The following TRHDE variants were observed in gnomAD, a reference collection of about 807,000 sequenced individuals.
TRHDE encodes the protein thyrotropin-releasing hormone-degrading ectoenzyme.
A neutral mutation model predicts 125.7 loss-of-function variants in TRHDE; 72 were observed. The ratio of observed to expected loss-of-function variants is 0.57; its 90% CI spans 0.47 to 0.70. The LOEUF (loss-of-function observed/expected upper bound fraction) is 0.70. TRHDE is among the 30% of genes least tolerant of loss of function. The pLI is 0.00. For synonymous variants in TRHDE, 509 were observed against 509.1 expected, an observed-to-expected ratio of 1.00 and a Z score of 0.00; for missense variants, 1,110 against 1,327.1, an observed-to-expected ratio of 0.84 and a Z score of 2.54.
intron 2 of TRHDE, among the ~76,000 whole-genome samples, chr12:72,351,582 C>T (rs1440643928): frequency 6.6e-6 from 1 of 151,924 alleles, no homozygotes; most frequent in Admixed American, 6.6e-5. Context: ...TCTTCAGTAT[C>T]TCTAGAGTCC....
chr12:72,365,850 T>C (rs555555513), intron 2 of TRHDE, among the ~76,000 whole-genome samples: 36 of 152,256 alleles, frequency 2.4e-4, no homozygotes, highest in Non-Finnish European at 4.7e-4. Context: ...AAATCCAAAA[T>C]GAGTTTTACA....
chr12:72,138,494 A>G (rs1037925384), intron 2 of TRHDE, among the ~76,000 whole-genome samples: 14 of 152,230 alleles, frequency 9.2e-5, no homozygotes, highest in Non-Finnish European at 1.9e-4. Flanking sequence ...ACCCAAGGCT[A>G]TTCTGATCTG....
Position 72,181,472 on chromosome 12 carries a change from C to CT in TRHDE, n.279+75724dup, listed in dbSNP as rs112430453. ...GCCCTGGGCTAACCAAACCAGCTCACTTTTCTCTTTATAAATTACAAAGTT... is the reference window on the plus strand; with the variant it reads ...GCCCTGGGCTAACCAAACCAGCTCACTTTTTCTCTTTATAAATTACAAAGTT... On this transcript the variant is annotated intron_variant and non_coding_transcript_variant, in intron 2 of 4. Coordinates refer to the TRHDE transcript ENST00000548156. Among the ~76,000 whole-genome samples the CT allele has an allele frequency of 2.8e-3, 422 of 152,234 alleles. 3 individuals carry two copies. Among genetic ancestry groups the CT allele is most frequent in the African/African-American group, 9.5e-3 (395 of 41,544 alleles).
intron 12 of TRHDE, among the ~76,000 whole-genome samples, chr12:72,580,445 G>GT (rs1489461479): frequency 6.6e-6 from 1 of 151,990 alleles, no homozygotes; most frequent in East Asian, 1.9e-4. Context: ...GTTTGTATTT[G>GT]TTTTTTGTTT....
At chr12:72,185,139 G>C (rs2139344224) in intron 2 of TRHDE, among the ~76,000 whole-genome samples, 1 of 152,340 alleles carries the variant, frequency 6.6e-6, no homozygotes, top group African/African-American at 2.4e-5. Flanking sequence ...CGCACTCGGA[G>C]CAGCCGGCCA....
chr12:72,095,105 T>C (rs550743453), intron 1 of TRHDE, among the ~76,000 whole-genome samples: 1 of 152,196 alleles, frequency 6.6e-6, no homozygotes, highest in Non-Finnish European at 1.5e-5. Flanking sequence ...TGTCACCAGT[T>C]CTGTCTTTTA....
chr12:72,603,686 C>G (rs1872304406), intron 12 of TRHDE, among the ~76,000 whole-genome samples: 1 of 152,060 alleles, frequency 6.6e-6, no homozygotes. Flanking sequence ...GATTGCGCCA[C>G]TGCACTCCAG....
In TRHDE at chr12:72,222,960, T is replaced by C. The variant is rs538612368; in HGVS notation, n.279+117208T>C. On this transcript the variant is annotated intron_variant and non_coding_transcript_variant, in intron 2 of 4. Transcript: ENST00000548156. Reference sequence around the variant, plus strand: ...GGTGCCAAAGATAAAGCTCCTCCTTTTATTAATATCTTTTATCAAAGGGTG... The same window carrying C: ...GGTGCCAAAGATAAAGCTCCTCCTTCTATTAATATCTTTTATCAAAGGGTG... Among the ~76,000 whole-genome samples, 5 of 152,206 alleles carry C rather than the reference T, an allele frequency of 3.3e-5. No homozygotes were observed. In the South Asian group the frequency reaches 1.0e-3, roughly 32 times the overall value.
chr12:72,154,622 G>A (rs1876458940), intron 2 of TRHDE, among the ~76,000 whole-genome samples: 1 of 152,224 alleles, frequency 6.6e-6, no homozygotes, highest in Non-Finnish European at 1.5e-5. Context: ...TTGCTTGTCT[G>A]TAAAGTATTT....
At chr12:72,205,753 T>A (rs539478481) in intron 2 of TRHDE, among the ~76,000 whole-genome samples, 99 of 152,352 alleles carry the variant, frequency 6.5e-4, no homozygotes, top group Middle Eastern at 6.8e-3. Flanking sequence ...TCTTTACCAG[T>A]TTATCAATTG....
intron 2 of TRHDE, among the ~76,000 whole-genome samples, chr12:72,377,304 C>CTTTTTTTTTTTTTTTTT (rs200021223): frequency 3.2e-4 from 42 of 130,396 alleles, no homozygotes; most frequent in African/African-American, 1.2e-3. Flanking sequence ...TTGCTTTAGG[C>CTTTTTTTTTTTTTTTTT]TTTTTTTTTT....
At chr12:72,238,459 G>T (rs1423887827) in intron 2 of TRHDE, among the ~76,000 whole-genome samples, 1 of 147,496 alleles carries the variant, frequency 6.8e-6, no homozygotes, top group African/African-American at 2.5e-5. Flanking sequence ...TTGTTACATA[G>T]GTATGCACGT....
At chr12:72,258,693 G>A (rs1878874158) in intron 2 of TRHDE, among the ~76,000 whole-genome samples, 1 of 152,112 alleles carries the variant, frequency 6.6e-6, no homozygotes. Flanking sequence ...GTCCAGTTCA[G>A]GAGAAGACGT....
intron 2 of TRHDE, among the ~76,000 whole-genome samples, chr12:72,320,466 C>T (rs1358587347): frequency 6.6e-6 from 1 of 151,154 alleles, no homozygotes; most frequent in Non-Finnish European, 1.5e-5. Context: ...TGCAACCATC[C>T]ATTTTTTTCC....
chr12:72,472,224 C>T (rs572056944), intron 4 of TRHDE, among the ~76,000 whole-genome samples: 1 of 152,080 alleles, frequency 6.6e-6, no homozygotes, highest in Non-Finnish European at 1.5e-5. Context: ...AATAAAATGT[C>T]AGCTGCATGA....
At chr12:72,369,249 C>T (rs1487679522) in intron 2 of TRHDE, among the ~76,000 whole-genome samples, 1 of 152,150 alleles carries the variant, frequency 6.6e-6, no homozygotes, top group Non-Finnish European at 1.5e-5. Context: ...AGTCCTCCAC[C>T]TTAGCTCATT....
At chr12:72,279,841 T>C (rs1188535876) in intron 1 of TRHDE, among the ~76,000 whole-genome samples, 1 of 152,188 alleles carries the variant, frequency 6.6e-6, no homozygotes, top group African/African-American at 2.4e-5. Flanking sequence ...TTCCTCCCAG[T>C]GCACACCTAT....
intron 2 of TRHDE, among the ~76,000 whole-genome samples, chr12:72,142,342 C>T (rs528060346): frequency 2.6e-5 from 4 of 152,210 alleles, no homozygotes; most frequent in African/African-American, 7.2e-5. Context: ...AATAAACCTC[C>T]ACTTCTGCTC....
At chr12:72,382,660 G>T (rs1470255688) in intron 3 of TRHDE, among the ~76,000 whole-genome samples, 1 of 152,142 alleles carries the variant, frequency 6.6e-6, no homozygotes, top group East Asian at 1.9e-4. Context: ...CTTTACTGAA[G>T]CTTTGGAAGG....
Sources: allele counts gnomAD v4.1 joint callset (sites outside exome capture counted in the v4.1 genomes callset), GRCh38; gene constraint gnomAD v4.1.1; transcripts MANE v1.5; gene names NCBI Gene and HGNC (gene_info 2026-07-23, HGNC 2026-07-21).